SBF2: variants seen among roughly 807,000 people sequenced by gnomAD.
SBF2 encodes myotubularin-related protein 13.
Under a neutral mutation model 225.2 loss-of-function variants are expected in SBF2, and 112 were observed. The ratio of observed to expected loss-of-function variants is 0.50; its 90% CI spans 0.43 to 0.58. The LOEUF (loss-of-function observed/expected upper bound fraction) is 0.58. Ranked by LOEUF, SBF2 falls within the 20% of genes least tolerant of loss-of-function variation. The pLI, the probability that SBF2 is intolerant of heterozygous loss-of-function variation, is 0.00. For missense variants in SBF2, 1,996 were observed against 2,206.2 expected, an observed-to-expected ratio of 0.90 and a Z score of 1.91; for synonymous variants, 763 against 773.3, an observed-to-expected ratio of 0.99 and a Z score of 0.22.
chr11:9,903,043 C>T (rs868848433), intron 16 of SBF2, among the ~76,000 whole-genome samples: 3 of 151,828 alleles, frequency 2.0e-5, no homozygotes, highest in South Asian at 2.1e-4. Flanking sequence ...AACAATTGGC[C>T]GTGCGCGGTG....
intron 38 of SBF2, among the ~76,000 whole-genome samples, chr11:9,782,525 G>A (rs1270620445): frequency 1.3e-5 from 2 of 152,042 alleles, no homozygotes; most frequent in Admixed American, 1.3e-4. Flanking sequence ...GAAATTTTTT[G>A]GAGAACAATT....
chr11:9,990,989 A>G (rs1178605902), intron 12 of SBF2, among the ~76,000 whole-genome samples: 1 of 152,212 alleles, frequency 6.6e-6, no homozygotes, highest in Admixed American at 6.5e-5. Context: ...TGAAGCTGTC[A>G]GAGGAAGATA....
At chr11:9,829,582 A>T in intron 27 of SBF2, 86 bp from the exon 28 acceptor site, 1 of 1,185,210 alleles carries the variant, frequency 8.4e-7, no homozygotes, top group Non-Finnish European at 1.2e-6. Flanking sequence ...CTACCTATCT[A>T]TCTATGCTTA....
At chr11:9,897,871 T>A (rs571336369) in intron 16 of SBF2, among the ~76,000 whole-genome samples, 1 of 152,140 alleles carries the variant, frequency 6.6e-6, no homozygotes, top group African/African-American at 2.4e-5. Flanking sequence ...CAGTGTGGTG[T>A]TTTTTCCTCT....
Position 9,780,315 on chromosome 11 carries a change from C to G in SBF2, c.*103G>C. 1 of 1,006,646 alleles carries G rather than the reference C, an allele frequency of 9.9e-7. No homozygotes were observed. Among genetic ancestry groups the G allele is most frequent in the Non-Finnish European group, 1.5e-6 (1 of 656,824 alleles). 62.4% of individuals were successfully genotyped at this position (1,006,646 alleles called of 1,614,324 possible). A position where few individuals can be genotyped will look rare whatever the true frequency, so the allele number is the denominator to read the frequency against. On this transcript the variant is annotated 3_prime_UTR_variant, in exon 40 of 40. Transcript: ENST00000256190. The stretch of plus-strand genomic sequence containing the variant: ...GGACTGGGCAGGAGAACCTCAGGCC[C>G]TGGGATAACTTGTTGTCAGCTCCTC...
chr11:10,274,947 A>T (rs17296211), intron 1 of SBF2, among the ~76,000 whole-genome samples: 16,140 of 152,208 alleles, frequency 0.11, 1,006 homozygotes, highest in Non-Finnish European at 0.11. Context: ...TGGAAGCAAT[A>T]TGCAAATGAA....
At chr11:10,226,987 T>C (rs1162214004) in intron 1 of SBF2, among the ~76,000 whole-genome samples, 1 of 152,202 alleles carries the variant, frequency 6.6e-6, no homozygotes, top group Non-Finnish European at 1.5e-5. Context: ...CCAGCACCTG[T>C]TGTTTCCTGA....
At position 10,124,539 on chromosome 11, in the gene SBF2, A is replaced by C. The variant is rs1017225138; in HGVS notation, c.141+69363T>G. On this transcript the variant is annotated intron_variant, in intron 2 of 39. Transcript: ENST00000256190. Reference sequence around the variant, plus strand: ...TAAGTCCCTATTATTCAAATGCTCTAATATCAAGTTTTATTATCTTACTGG... The same window carrying C: ...TAAGTCCCTATTATTCAAATGCTCTCATATCAAGTTTTATTATCTTACTGG... 2.6e-5 allele frequency among the ~76,000 whole-genome samples: 4 copies of C among 152,194 alleles called. No individual in the cohort carries two copies. In the East Asian group the frequency reaches 7.7e-4, roughly 29 times the overall value.
chr11:10,048,867 T>A (rs1483351527), intron 2 of SBF2, among the ~76,000 whole-genome samples: 2 of 152,224 alleles, frequency 1.3e-5, no homozygotes, highest in Admixed American at 1.3e-4. Flanking sequence ...CCATTCAAAG[T>A]GCCCAGTAGA....
At chr11:9,902,447 C>T (rs979977651) in intron 16 of SBF2, among the ~76,000 whole-genome samples, 1 of 152,224 alleles carries the variant, frequency 6.6e-6, no homozygotes, top group Non-Finnish European at 1.5e-5. Context: ...CCAAGGTACA[C>T]CTTCCATGTA....
chr11:10,155,250 T>A (rs1459780733), intron 2 of SBF2, among the ~76,000 whole-genome samples: 1 of 152,182 alleles, frequency 6.6e-6, no homozygotes, highest in Non-Finnish European at 1.5e-5. Flanking sequence ...TAGTCCACAA[T>A]TTAAATCATT....
At chr11:9,958,766 T>C (rs1866365976) in intron 16 of SBF2, 2 of 478,456 alleles carry the variant, frequency 4.2e-6, no homozygotes, top group Non-Finnish European at 4.1e-6. Flanking sequence ...AGGGCTCAAC[T>C]CCGGTTTGAG....
chr11:10,096,151 A>G (rs1401496456), intron 2 of SBF2, among the ~76,000 whole-genome samples: 1 of 152,160 alleles, frequency 6.6e-6, no homozygotes, highest in Non-Finnish European at 1.5e-5. Flanking sequence ...TCCATACTTT[A>G]AAAATATTTG....
intron 2 of SBF2, among the ~76,000 whole-genome samples, chr11:10,072,543 C>G (rs1340015243): frequency 6.6e-6 from 1 of 151,386 alleles, no homozygotes; most frequent in Admixed American, 6.6e-5. Context: ...TGTAAAAGTA[C>G]TTAAATAGAG....
chr11:9,890,733 T>C (rs1040651722), intron 17 of SBF2, among the ~76,000 whole-genome samples: 3 of 152,204 alleles, frequency 2.0e-5, no homozygotes, highest in Admixed American at 6.5e-5. Context: ...TGGGACGGCT[T>C]TGCCATATTT....
chr11:10,069,990 C>T (rs1950798245), intron 2 of SBF2, among the ~76,000 whole-genome samples: 1 of 152,148 alleles, frequency 6.6e-6, no homozygotes, highest in Admixed American at 6.6e-5. Flanking sequence ...ATCCTTTGCC[C>T]ACTTGTTGAT....
chr11:9,929,741 C>T (rs1372841216), intron 16 of SBF2, among the ~76,000 whole-genome samples: 2 of 152,190 alleles, frequency 1.3e-5, no homozygotes, highest in Admixed American at 6.6e-5. Context: ...AACTGACTAC[C>T]ACTTCAAGCA....
At chr11:10,188,677 T>C (rs77632428) in intron 2 of SBF2, among the ~76,000 whole-genome samples, 14,463 of 152,186 alleles carry the variant, frequency 0.095, 939 homozygotes, top group East Asian at 0.29. Flanking sequence ...CCAAGATTAA[T>C]TAATCTCTTC....
intron 13 of SBF2, among the ~76,000 whole-genome samples, chr11:9,982,569 T>C (rs557391439): frequency 6.6e-6 from 1 of 151,926 alleles, no homozygotes; most frequent in African/African-American, 2.4e-5. Flanking sequence ...CTAAATAGAG[T>C]GGATCATGGC....
Sources: allele counts gnomAD v4.1 joint callset (sites outside exome capture counted in the v4.1 genomes callset), GRCh38; gene constraint gnomAD v4.1.1; transcripts MANE v1.5; gene names NCBI Gene and HGNC (gene_info 2026-07-23, HGNC 2026-07-21).